RRM1: variants seen among roughly 807,000 people sequenced by gnomAD.
RRM1 encodes the protein ribonucleotide reductase catalytic subunit M1, also known as ribonucleoside-diphosphate reductase large subunit.
In RRM1, 19 loss-of-function variants were observed where a neutral mutation model predicts 101.5. That is an observed-to-expected ratio of 0.19 (90% CI 0.13 to 0.27). The LOEUF is 0.27. Ranked by LOEUF, RRM1 falls within the 10% of genes least tolerant of loss-of-function variation. The pLI, the probability that RRM1 is intolerant of heterozygous loss-of-function variation, is 1.00. For missense variants in RRM1, 500 were observed against 962.9 expected (o/e 0.52, Z 6.36); for synonymous variants, 298 against 323.4 (o/e 0.92, Z 0.84).
At chr11:4,121,907 G>T in intron 10 of RRM1, 142 bp downstream of exon 10, 1 of 802,950 alleles carries the variant, frequency 1.2e-6, no homozygotes, top group Non-Finnish European at 1.9e-6. Flanking sequence ...GAGATGCCGT[G>T]CTTGTCTTCT....
intron 3 of RRM1, 173 bp downstream of exon 3, chr11:4,106,396 T>G (rs1411133238): frequency 1.6e-6 from 1 of 606,464 alleles, no homozygotes; most frequent in Non-Finnish European, 2.9e-6. Context: ...TCCAGGAGTT[T>G]GAGACCAGCC....
At chr11:4,135,034 T>G (rs1301450910) in intron 17 of RRM1, 48 bp from the exon 18 acceptor site, 1 of 1,412,332 alleles carries the variant, frequency 7.1e-7, no homozygotes, top group Non-Finnish European at 9.8e-7. Context: ...AATCATACAC[T>G]GCTTTCTTTA....
intron 7 of RRM1, among the ~76,000 whole-genome samples, chr11:4,112,489 G>A (rs2094566989): frequency 6.6e-6 from 1 of 152,024 alleles, no homozygotes; most frequent in South Asian, 2.1e-4. Context: ...TCAGCCTCCT[G>A]AGTAGCTGGG....
At chr11:4,098,557 T>C in intron 1 of RRM1, among the ~76,000 whole-genome samples, 1 of 152,040 alleles carries the variant, frequency 6.6e-6, no homozygotes, top group Non-Finnish European at 1.5e-5. Flanking sequence ...CTACAATCAA[T>C]TGAGAAAGAT....
rs950613224 is a variant in RRM1, at chr11:4,101,566, C to CCCCCG, written c.20-425_20-424insCCGCC. Among the ~76,000 whole-genome samples, 16 of 127,122 alleles carry CCCCCG rather than the reference C, an allele frequency of 1.3e-4. 1 individual carries two copies. In the South Asian group the frequency reaches 2.8e-3, roughly 23 times the overall value. The allele number at this position is 127,122 out of a possible 152,430, so 83.4% of individuals were successfully genotyped here. ...TGACCTCCAGTGATCCACACCCCCC[C>CCCCCG]CCGCTCCCTTGGCCTCCCAAAGTGC... On this transcript the variant is annotated intron_variant, in intron 1 of 18. Transcript: ENST00000300738.
chr11:4,128,497 T>C (rs1238883679), intron 14 of RRM1, among the ~76,000 whole-genome samples: 1 of 152,218 alleles, frequency 6.6e-6, no homozygotes, highest in Non-Finnish European at 1.5e-5. Flanking sequence ...CCATAATCGC[T>C]GGAGTGACAT....
At chr11:4,098,778 A>C (rs1275819465) in intron 1 of RRM1, among the ~76,000 whole-genome samples, 1 of 152,180 alleles carries the variant, frequency 6.6e-6, no homozygotes, top group East Asian at 1.9e-4. Flanking sequence ...GGGAGTGGTA[A>C]GTGTATATAA....
At chr11:4,118,602 C>T (rs2094577308) in intron 8 of RRM1, 141 bp downstream of exon 8, 1 of 695,480 alleles carries the variant, frequency 1.4e-6, no homozygotes, top group Non-Finnish European at 2.3e-6. Flanking sequence ...TGGAGTGAGT[C>T]ATTTTACTTC....
chr11:4,100,460 T>C (rs1485919370), intron 1 of RRM1, among the ~76,000 whole-genome samples: 3 of 152,222 alleles, frequency 2.0e-5, no homozygotes, highest in African/African-American at 7.2e-5. Flanking sequence ...AAATCCAAAA[T>C]CTGAAATGGT....
chr11:4,095,894 A>G (rs746988961), intron 1 of RRM1, among the ~76,000 whole-genome samples: 7 of 152,210 alleles, frequency 4.6e-5, no homozygotes, highest in East Asian at 1.9e-4. Context: ...TGAGATACGT[A>G]TGAACAAGTT....
At position 4,123,169 on chromosome 11, in the gene RRM1, T is replaced by C; in HGVS notation, c.1119-14T>C. 2 of 1,604,422 alleles carry C rather than the reference T, an allele frequency of 1.2e-6. No homozygotes were observed. The highest frequency in any genetic ancestry group is 1.7e-6 in the Non-Finnish European group (2 of 1,171,374). Reference sequence around the variant, plus strand: ...AGGGAATATATATTAAATAATATTATCTGTGCCTTTCAGTTATGAGAAACA... The same window carrying C: ...AGGGAATATATATTAAATAATATTACCTGTGCCTTTCAGTTATGAGAAACA... On this transcript the variant is annotated splice_polypyrimidine_tract_variant and intron_variant, in intron 11 of 18. Coordinates refer to ENST00000300738, the MANE Select transcript of RRM1 (RefSeq NM_001033.5).
rs754681250 is a variant in RRM1 at position 4,132,364 on chromosome 11, C to A, written c.1848C>A (p.Ser616=). 4 of 1,613,988 alleles carry A rather than the reference C, an allele frequency of 2.5e-6. No individual in the cohort carries two copies. In the East Asian group the frequency reaches 8.9e-5, roughly 36 times the overall value. ...CTCAGATCCTGGGGAATAATGAGTC[C>A]ATTGAACCTTACACCAGCAACATCT... The part of the protein sequence containing the change: ...STAQILGNNE[S]IEPYTSNIYT... The change falls in exon 16 of 19, where the codon TCC becomes TCA. Residue 616 remains serine, a synonymous_variant. Transcript: ENST00000300738. This position sits in a 1 kb window ranked among gnomAD's most constrained non-coding sequence, Gnocchi z 4.1.
rs189845878 is a variant in RRM1, at chr11:4,106,622, C to T, written c.286+399C>T. ...AATTAGCTGGGCGTGGTGGTGGGGG[C>T]CTGTAATCCCAGCTACTGGGGAGGC... On this transcript the variant is annotated intron_variant, in intron 3 of 18. Coordinates refer to ENST00000300738, the MANE Select transcript of RRM1 (RefSeq NM_001033.5). 6.6e-3 allele frequency among the ~76,000 whole-genome samples: 998 copies of T among 152,144 alleles called. 10 individuals are homozygous for T. The highest frequency in any genetic ancestry group is 0.023 in the African/African-American group (956 of 41,530).
intron 15 of RRM1, among the ~76,000 whole-genome samples, chr11:4,130,086 A>ATATATATATATTTTTTTTT (rs1202870487): frequency 5.0e-5 from 5 of 99,446 alleles, no homozygotes; most frequent in African/African-American, 2.7e-4. Context: ...ATATATATAT[A>ATATATATATATTTTTTTTT]TTTTTTTTTT....
intron 1 of RRM1, among the ~76,000 whole-genome samples, chr11:4,095,525 C>G (rs1173398651): frequency 6.6e-6 from 1 of 152,166 alleles, no homozygotes; most frequent in Non-Finnish European, 1.5e-5. Context: ...GAGGGGGCCT[C>G]TCTACCCTCC....
rs370363083 is a variant in RRM1, at chr11:4,126,491, C to T, written c.1321-193C>T. Among the ~76,000 whole-genome samples, 19 of 152,294 alleles carry T rather than the reference C, an allele frequency of 1.2e-4. No homozygotes were observed. In the East Asian group the frequency reaches 2.5e-3, roughly 20 times the overall value. ...TTGCTGATGCATGTTATAACTAACA[C>T]ATATGACTAGGTATTGAAGAAATAG... On this transcript the variant is annotated intron_variant, in intron 12 of 18. Transcript: ENST00000300738.
At position 4,119,874 on chromosome 11, in the gene RRM1, G is replaced by A. The variant is rs370032433; in HGVS notation, c.822G>A (p.Pro274=). 149 of 1,606,852 alleles carry A rather than the reference G, an allele frequency of 9.3e-5. No homozygotes were observed. The Middle Eastern group carries it at 1.8e-3, about 20-fold the overall frequency. ...ATGGCAATTCCAATGGCCTTGTACC[G>A]ATGCTGAGAGTATATAACAACACAG... ...GTNGNSNGLV[P]MLRVYNNTAR... is the part of the protein sequence containing the mutation. Residue 274 remains proline (P), a synonymous_variant, in exon 9 of 19, where the codon CCG becomes CCA. Coordinates refer to ENST00000300738, the MANE Select transcript of RRM1 (RefSeq NM_001033.5).
intron 7 of RRM1, 22 bp downstream of exon 7, chr11:4,112,084 A>C: frequency 6.2e-7 from 1 of 1,600,896 alleles, no homozygotes; most frequent in Non-Finnish European, 8.5e-7. Context: ...GAGTAGGGAA[A>C]TACGCCTTGA....
chr11:4,129,469 T>C (rs1045897003), intron 15 of RRM1, among the ~76,000 whole-genome samples: 43 of 132,532 alleles, frequency 3.2e-4, no homozygotes, highest in African/African-American at 1.3e-3. Flanking sequence ...CAACTATGAT[T>C]TTTTTTTTTA....
Sources: allele counts gnomAD v4.1 joint callset (sites outside exome capture counted in the v4.1 genomes callset), GRCh38; gene constraint gnomAD v4.1.1; non-coding constraint Gnocchi (gnomAD v3.1); transcripts MANE v1.5; gene names NCBI Gene and HGNC (gene_info 2026-07-23, HGNC 2026-07-21).